PITPNC1: variants seen among roughly 807,000 people sequenced by gnomAD.
PITPNC1 encodes cytoplasmic phosphatidylinositol transfer protein 1.
In PITPNC1, 18 loss-of-function variants were observed where a neutral mutation model predicts 44.7. The observed-to-expected ratio is 0.40, with a 90% CI of 0.28 to 0.60. PITPNC1 has a LOEUF of 0.60. Among genes scored for constraint, PITPNC1 ranks in the 20% least tolerant of loss-of-function variants. PITPNC1 has a pLI of 0.39. For missense variants in PITPNC1, 290 were observed against 418.4 expected (o/e 0.69, Z 2.68); for synonymous variants, 141 against 149.6 (o/e 0.94, Z 0.42).
At chr17:67,545,480 G>A (rs897942622) in intron 2 of PITPNC1, among the ~76,000 whole-genome samples, 1 of 152,164 alleles carries the variant, frequency 6.6e-6, no homozygotes, top group South Asian at 2.1e-4. Flanking sequence ...GGAGGCTGAG[G>A]CATGAGAATT....
intron 1 of PITPNC1, among the ~76,000 whole-genome samples, chr17:67,431,657 A>G (rs1174692503): frequency 2.0e-5 from 3 of 152,206 alleles, no homozygotes; most frequent in Non-Finnish European, 2.9e-5. Flanking sequence ...GGTAATTTGT[A>G]AAAGAGACTG....
intron 6 of PITPNC1, among the ~76,000 whole-genome samples, chr17:67,657,745 C>T (rs1005925104): frequency 6.6e-6 from 1 of 152,168 alleles, no homozygotes; most frequent in Non-Finnish European, 1.5e-5. Flanking sequence ...ACTTTTGTCA[C>T]GCAATCAGGA....
intron 1 of PITPNC1, among the ~76,000 whole-genome samples, chr17:67,521,142 G>T (rs1034027021): frequency 6.6e-6 from 1 of 152,012 alleles, no homozygotes; most frequent in Non-Finnish European, 1.5e-5. Flanking sequence ...GCAGGATAGA[G>T]GTTGTGCTGG....
At chr17:67,462,408 T>C (rs2143976609) in intron 1 of PITPNC1, among the ~76,000 whole-genome samples, 1 of 151,872 alleles carries the variant, frequency 6.6e-6, no homozygotes, top group South Asian at 2.1e-4. Context: ...ATTGTTGTAT[T>C]TTCATTAGAA....
At chr17:67,447,535 T>A (rs1446619963) in intron 1 of PITPNC1, among the ~76,000 whole-genome samples, 1 of 151,684 alleles carries the variant, frequency 6.6e-6, no homozygotes, top group South Asian at 2.1e-4. Flanking sequence ...CAGATAATTT[T>A]AAAATTTTTT....
chr17:67,675,772 C>T (rs1018552432), intron 8 of PITPNC1, among the ~76,000 whole-genome samples: 2 of 152,194 alleles, frequency 1.3e-5, no homozygotes, highest in Non-Finnish European at 2.9e-5. Flanking sequence ...ATGTTTGATG[C>T]TTACATAGTT....
At chr17:67,513,353 GTATCTA>G (rs66547837) in intron 1 of PITPNC1, among the ~76,000 whole-genome samples, 44,488 of 138,818 alleles carry the variant, frequency 0.32, 7,385 homozygotes, top group Middle Eastern at 0.43. Context: ...GGAAGAGTCT[GTATCTA>G]TATCTATATC....
At chr17:67,453,004 T>G (rs1416606203) in intron 1 of PITPNC1, among the ~76,000 whole-genome samples, 1 of 152,192 alleles carries the variant, frequency 6.6e-6, no homozygotes, top group African/African-American at 2.4e-5. Context: ...TTTCCTGTAC[T>G]CTTTTAAAAC....
intron 6 of PITPNC1, among the ~76,000 whole-genome samples, chr17:67,651,684 A>G (rs2042211217): frequency 6.6e-6 from 1 of 152,160 alleles, no homozygotes; most frequent in Non-Finnish European, 1.5e-5. Flanking sequence ...TGTTTTAGCT[A>G]TCATCTCCCT....
chr17:67,619,309 G>T (rs1022454312), intron 5 of PITPNC1, among the ~76,000 whole-genome samples: 1 of 152,182 alleles, frequency 6.6e-6, no homozygotes, highest in Non-Finnish European at 1.5e-5. Flanking sequence ...GTTCTATCTG[G>T]AAGTTTAAGT....
chr17:67,422,458 C>T (rs564612631), intron 1 of PITPNC1, among the ~76,000 whole-genome samples: 10 of 152,276 alleles, frequency 6.6e-5, no homozygotes, highest in African/African-American at 2.4e-4. Context: ...AGCTCCTGGG[C>T]TCAAGCCATC....
At chr17:67,381,468 C>T (rs1224386892) in intron 1 of PITPNC1, among the ~76,000 whole-genome samples, 1 of 135,650 alleles carries the variant, frequency 7.4e-6, no homozygotes, top group East Asian at 2.3e-4. Context: ...GTTTCTCTCT[C>T]TTTTTTTTTT....
At chr17:67,432,551 G>T (rs1416062658) in intron 1 of PITPNC1, among the ~76,000 whole-genome samples, 2 of 152,038 alleles carry the variant, frequency 1.3e-5, no homozygotes, top group African/African-American at 4.8e-5. Context: ...TAAAACTAAT[G>T]ATAACTGATG....
chr17:67,476,376 G>A (rs866137590), intron 1 of PITPNC1, among the ~76,000 whole-genome samples: 4 of 151,762 alleles, frequency 2.6e-5, no homozygotes, highest in African/African-American at 7.3e-5. Flanking sequence ...TAGTGGAGAC[G>A]GGGTTTCCCC....
chr17:67,430,682 G>C (rs778670682), intron 1 of PITPNC1, among the ~76,000 whole-genome samples: 1 of 150,802 alleles, frequency 6.6e-6, no homozygotes, highest in Non-Finnish European at 1.5e-5. Flanking sequence ...AGCTGGGCGT[G>C]GTGGTGCACA....
At chr17:67,389,188 G>A (rs1235227246) in intron 1 of PITPNC1, among the ~76,000 whole-genome samples, 1 of 152,216 alleles carries the variant, frequency 6.6e-6, no homozygotes, top group Non-Finnish European at 1.5e-5. Flanking sequence ...GCCGTGTCCT[G>A]CCATGTGGCC....
intron 5 of PITPNC1, among the ~76,000 whole-genome samples, chr17:67,598,978 A>G (rs1409291370): frequency 7.2e-6 from 1 of 139,452 alleles, no homozygotes; most frequent in African/African-American, 2.6e-5. Context: ...TGGACTTCTC[A>G]GCCCCCAAAA....
intron 1 of PITPNC1, among the ~76,000 whole-genome samples, chr17:67,470,475 C>G (rs2039505109): frequency 6.6e-6 from 1 of 152,232 alleles, no homozygotes. Flanking sequence ...CTTAAAGTTT[C>G]CTATAGATGC....
rs866314697 is a variant in PITPNC1, at chr17:67,696,134, G to A, written c.*3246G>A. The A allele has an allele frequency of 6.6e-6, 1 of 152,208 alleles. No individual in the cohort carries two copies. Among genetic ancestry groups the A allele is most frequent in the Non-Finnish European group, 1.5e-5 (1 of 68,026 alleles). 9.4% of individuals were successfully genotyped at this position (152,208 alleles called of 1,614,324 possible). On this transcript the variant is annotated 3_prime_UTR_variant, in exon 9 of 9. Transcript: ENST00000581322. ...TTATTTGGAAGTATTTATTAGCCATGTTGTTGGTCCTGAAAATAAATCTCT... is the reference window on the plus strand; with the variant it reads ...TTATTTGGAAGTATTTATTAGCCATATTGTTGGTCCTGAAAATAAATCTCT...
Sources: allele counts gnomAD v4.1 joint callset (sites outside exome capture counted in the v4.1 genomes callset), GRCh38; gene constraint gnomAD v4.1.1; transcripts MANE v1.5; gene names NCBI Gene and HGNC (gene_info 2026-07-23, HGNC 2026-07-21).